Variants in FRMD6 observed in about 807,000 individuals in gnomAD.
FRMD6 encodes the protein FERM domain-containing protein 6.
A neutral mutation model predicts 73.2 loss-of-function variants in FRMD6; 37 were observed. The ratio of observed to expected loss-of-function variants is 0.51; its 90% confidence interval spans 0.39 to 0.66. FRMD6 has a LOEUF of 0.66. Among genes scored for constraint, FRMD6 ranks in the 30% least tolerant of loss-of-function variants. The pLI is 0.00. For missense variants in FRMD6, 714 were observed against 780.5 expected (o/e 0.91, Z 1.02); for synonymous variants, 273 against 282.2 (o/e 0.97, Z 0.33).
the FRMD6 span, among the ~76,000 whole-genome samples, chr14:51,420,991 G>A: frequency 4.6e-5 from 7 of 152,240 alleles, no homozygotes; most frequent in East Asian, 1.4e-3. Flanking sequence ...TGGCCAGGCT[G>A]GTCTTGAACT....
At chr14:51,531,985 T>C (rs1053029818) in intron 1 of FRMD6, among the ~76,000 whole-genome samples, 1 of 152,224 alleles carries the variant, frequency 6.6e-6, no homozygotes, top group African/African-American at 2.4e-5. Context: ...ATATACTTCT[T>C]TTCCAGGGAG....
At chr14:51,562,532 GC>G (rs1887540324) in intron 1 of FRMD6, among the ~76,000 whole-genome samples, 1 of 152,144 alleles carries the variant, frequency 6.6e-6, no homozygotes, top group Non-Finnish European at 1.5e-5. Context: ...GACTGCATGA[GC>G]CCCCTGAAGT....
chr14:51,699,380 T>G (rs1452253035), intron 3 of FRMD6, among the ~76,000 whole-genome samples: 1 of 152,084 alleles, frequency 6.6e-6, no homozygotes, highest in East Asian at 1.9e-4. Context: ...TAAGTAACTT[T>G]TAGTATTCCA....
rs1566602457 is a variant in FRMD6, at chr14:51,725,763, C to CT, written c.1493-15dup. On this transcript the variant is annotated splice_polypyrimidine_tract_variant and intron_variant, in intron 12 of 13. Coordinates refer to ENST00000344768, the MANE Select transcript of FRMD6 (RefSeq NM_001267046.2). ...TTTGAAGTATTTATTGTTTTTATCT[C>CT]TGTGTTTTATTTCAGGGTTGATTGT... is the stretch of plus-strand genomic sequence containing the variant. 2 of 1,566,906 alleles carry CT rather than the reference C, an allele frequency of 1.3e-6. No individual in the cohort carries two copies. The highest frequency in any genetic ancestry group is 1.8e-6 in the Non-Finnish European group (2 of 1,137,468).
chr14:51,471,501 GAA>G, the FRMD6 span, among the ~76,000 whole-genome samples: 21 of 119,586 alleles, frequency 1.8e-4, no homozygotes, highest in Admixed American at 9.8e-4. Context: ...ACTCCGTCTC[GAA>G]AAAAAAAAAA....
intron 1 of FRMD6, among the ~76,000 whole-genome samples, chr14:51,535,367 C>T (rs140355418): frequency 2.3e-3 from 350 of 152,316 alleles, no homozygotes; most frequent in Non-Finnish European, 4.0e-3. Context: ...ATTCTCCCCT[C>T]ACCCCATCCC....
intron 1 of FRMD6, among the ~76,000 whole-genome samples, chr14:51,513,554 T>C (rs1391212636): frequency 6.6e-6 from 1 of 152,128 alleles, no homozygotes; most frequent in African/African-American, 2.4e-5. Context: ...TCAAGGCAAA[T>C]GCTCTTATGC....
chr14:51,419,588 T>C, the FRMD6 span, among the ~76,000 whole-genome samples: 5 of 152,200 alleles, frequency 3.3e-5, no homozygotes, highest in Non-Finnish European at 7.3e-5. Context: ...GAGGCAGGTT[T>C]GTGTGATCCA....
chr14:51,716,296 G>T (rs1038270036), intron 10 of FRMD6, among the ~76,000 whole-genome samples: 7 of 141,990 alleles, frequency 4.9e-5, no homozygotes, highest in East Asian at 4.1e-4. Flanking sequence ...ATTTGGGTTT[G>T]TTTTTTTTTT....
the FRMD6 span, among the ~76,000 whole-genome samples, chr14:51,429,340 A>G: frequency 2.0e-5 from 3 of 152,208 alleles, no homozygotes; most frequent in African/African-American, 7.2e-5. Context: ...GTTATGCAGC[A>G]GTAGATAATC....
At chr14:51,569,976 C>G (rs533220097) in intron 1 of FRMD6, among the ~76,000 whole-genome samples, 3 of 151,924 alleles carry the variant, frequency 2.0e-5, no homozygotes, top group Admixed American at 6.6e-5. Context: ...CCACCACACT[C>G]GGCTAATTTT....
intron 1 of FRMD6, among the ~76,000 whole-genome samples, chr14:51,654,186 A>C (rs1430563234): frequency 6.6e-6 from 1 of 152,124 alleles, no homozygotes; most frequent in Admixed American, 6.5e-5. Context: ...AAAACGCCTG[A>C]AAACAGCATG....
chr14:51,419,999 T>G, the FRMD6 span, among the ~76,000 whole-genome samples: 1 of 133,506 alleles, frequency 7.5e-6, no homozygotes, highest in African/African-American at 2.6e-5. Context: ...CTTCCTGCCC[T>G]CGTTAGGTGT....
chr14:51,639,427 T>A lies in FRMD6; in HGVS notation c.-146-50264T>A, dbSNP rs144896253. On this transcript the variant is annotated intron_variant, in intron 2 of 14. Coordinates refer to the FRMD6 transcript ENST00000356218. ...TCCAGCCTGGGTGACAGAGCAAGAC[T>A]CCATCTCAAAAAAAAAAAATAATTA... Among the ~76,000 whole-genome samples, 2 of 137,414 alleles carry A rather than the reference T, an allele frequency of 1.5e-5. 1 individual carries two copies. The highest frequency in any genetic ancestry group is 3.9e-4 in the East Asian group (2 of 5,078). 90.1% of individuals were successfully genotyped at this position (137,414 alleles called of 152,430 possible).
At chr14:51,585,961 A>ATATATATATATATATATATATATAT (rs1555324347) in intron 2 of FRMD6, among the ~76,000 whole-genome samples, 27 of 56,284 alleles carry the variant, frequency 4.8e-4, no homozygotes, top group Non-Finnish European at 8.7e-4. Flanking sequence ...ATATATATAT[A>ATATATATATATATATATATATATAT]ACATTTTCTT....
chr14:51,536,502 C>G lies in FRMD6; in HGVS notation c.-209-33846C>G, dbSNP rs1885899753. Among the ~76,000 whole-genome samples the G allele has an allele frequency of 2.0e-5, 3 of 152,108 alleles. No homozygotes were observed. The South Asian group carries it at 6.2e-4, about 32-fold the overall frequency. On this transcript the variant is annotated intron_variant, in intron 1 of 14. Coordinates refer to the FRMD6 transcript ENST00000356218. The stretch of plus-strand genomic sequence containing the variant: ...GCATGATCTTGGCTCACTGCAACCT[C>G]TGCCTCCTGGGTTCAAGCGATTCTC...
At chr14:51,563,813 C>A (rs1481837014) in intron 1 of FRMD6, among the ~76,000 whole-genome samples, 1 of 152,160 alleles carries the variant, frequency 6.6e-6, no homozygotes, top group African/African-American at 2.4e-5. Context: ...TTAATATAAT[C>A]AAGCTTGGAA....
intron 1 of FRMD6, among the ~76,000 whole-genome samples, chr14:51,525,246 G>A (rs1425804572): frequency 2.0e-5 from 3 of 151,662 alleles, no homozygotes; most frequent in Non-Finnish European, 4.4e-5. Context: ...TTTTTTAAAG[G>A]CCCTTCTTTA....
chr14:51,403,626 T>A, the FRMD6 span, among the ~76,000 whole-genome samples: 1 of 152,150 alleles, frequency 6.6e-6, no homozygotes, highest in Non-Finnish European at 1.5e-5. Context: ...GGTCTTGAAC[T>A]CCTGGGCTCA....
Sources: gnomAD v4.1 joint callset for allele counts (sites outside exome capture counted in the v4.1 genomes callset) on GRCh38, gnomAD v4.1.1 for gene constraint, MANE v1.5 for transcripts, NCBI Gene and HGNC (gene_info 2026-07-23, HGNC 2026-07-21) for gene names.